Variants in TAF2 observed in about 807,000 individuals in gnomAD.
The protein encoded by TAF2 is transcription initiation factor TFIID subunit 2.
A neutral mutation model predicts 138.5 loss-of-function variants in TAF2; 61 were observed. That is an observed-to-expected ratio of 0.44 (90% CI 0.36 to 0.54). TAF2 has a LOEUF of 0.54. Among genes scored for constraint, TAF2 ranks in the 20% least tolerant of loss-of-function variants. The pLI is 0.00. For missense variants in TAF2, 1,090 were observed against 1,427.9 expected (o/e 0.76, Z 3.81); for synonymous variants, 475 against 469.9 (o/e 1.01, Z -0.14).
intron 2 of TAF2, among the ~76,000 whole-genome samples, chr8:119,824,102 A>G (rs1284001241): frequency 2.0e-5 from 3 of 152,140 alleles, no homozygotes; most frequent in Non-Finnish European, 4.4e-5. Context: ...GTAGAGCATA[A>G]AAGTGTGGAA....
intron 17 of TAF2, 64 bp downstream of exon 17, chr8:119,780,989 G>T: frequency 4.1e-4 from 452 of 1,104,782 alleles, no homozygotes; most frequent in Middle Eastern, 9.9e-4. Context: ...TCTATTATTT[G>T]AACAGTCTCC....
intron 19 of TAF2, among the ~76,000 whole-genome samples, chr8:119,762,047 A>C (rs191508151): frequency 9.8e-5 from 15 of 152,288 alleles, no homozygotes; most frequent in African/African-American, 3.6e-4. Flanking sequence ...AAAAGTGAAA[A>C]GTCATCTTAA....
chr8:119,825,644 T>C lies in TAF2; in HGVS notation c.138+6033A>G, dbSNP rs549292255. Among the ~76,000 whole-genome samples, 4 of 152,294 alleles carry C rather than the reference T, an allele frequency of 2.6e-5. No individual in the cohort carries two copies. In the South Asian group the frequency reaches 8.3e-4, roughly 32 times the overall value. ...TCATGGGGGCAAGTCTTTCCTGTGC[T>C]GTTGTCATGATAGTCTCACGAGACC... is the stretch of plus-strand genomic sequence containing the variant. On this transcript the variant is annotated intron_variant, in intron 2 of 25. Transcript: ENST00000378164.
intron 14 of TAF2, among the ~76,000 whole-genome samples, 163 bp downstream of exon 14, chr8:119,788,175 C>A (rs1823158089): frequency 6.6e-6 from 1 of 151,966 alleles, no homozygotes; most frequent in African/African-American, 2.4e-5. Context: ...CACCATGGCA[C>A]GTGTACACCT....
Position 119,732,026 on chromosome 8 carries a change from T to C in TAF2, c.3498A>G (p.Lys1166=). 6.2e-7 allele frequency: 1 copy of C among 1,614,206 alleles called. No individual in the cohort carries two copies. The highest frequency in any genetic ancestry group is 8.5e-7 in the Non-Finnish European group (1 of 1,180,036). ...KKKKKHKHKH[K]HKHKHDSKEK... is the part of the protein sequence containing the mutation. Reference sequence around the variant, plus strand: ...CTTTACTGTCATGCTTATGCTTGTGTTTGTGCTTATGTTTATGCTTCTTCT... The same window carrying C: ...CTTTACTGTCATGCTTATGCTTGTGCTTGTGCTTATGTTTATGCTTCTTCT... The change falls in exon 26 of 26, where the codon AAA becomes AAG. Residue 1166 remains lysine, a synonymous_variant. Coordinates refer to ENST00000378164, the MANE Select transcript of TAF2 (RefSeq NM_003184.4).
intron 10 of TAF2, among the ~76,000 whole-genome samples, chr8:119,792,293 A>G (rs1823491482): frequency 6.6e-6 from 1 of 151,864 alleles, no homozygotes; most frequent in African/African-American, 2.4e-5. Flanking sequence ...AGTTGGGACC[A>G]GGCACCCACC....
chr8:119,804,066 G>A (rs762812575), intron 4 of TAF2, 47 bp from the exon 5 acceptor site: 1 of 1,602,490 alleles, frequency 6.2e-7, no homozygotes, highest in Non-Finnish European at 8.5e-7. Flanking sequence ...AGTTACAGTG[G>A]TCTATATAAT....
chr8:119,810,292 T>C (rs867135265), intron 3 of TAF2, among the ~76,000 whole-genome samples: 12 of 152,314 alleles, frequency 7.9e-5, no homozygotes, highest in African/African-American at 2.6e-4. Flanking sequence ...CACTAGGTTT[T>C]TGAAATTCAT....
intron 22 of TAF2, 25 bp downstream of exon 22, chr8:119,755,981 A>T (rs1462535180): frequency 5.2e-6 from 8 of 1,524,078 alleles, no homozygotes; most frequent in Non-Finnish European, 7.3e-6. Flanking sequence ...AATAATAAAA[A>T]CAATTTAAAT....
In TAF2 at chr8:119,730,873, G is replaced by A. The variant is rs1818841853; in HGVS notation, c.*1051C>T. On this transcript the variant is annotated 3_prime_UTR_variant, in exon 26 of 26. Coordinates refer to ENST00000378164, the MANE Select transcript of TAF2 (RefSeq NM_003184.4). ...TTTTGTCAAACTTTCTAATGATAAGGGGAATGATAAAAATTGAACAGATAT... is the reference window on the plus strand; with the variant it reads ...TTTTGTCAAACTTTCTAATGATAAGAGGAATGATAAAAATTGAACAGATAT... 1 of 152,048 alleles carries A rather than the reference G, an allele frequency of 6.6e-6. No homozygotes were observed. The highest frequency in any genetic ancestry group is 2.1e-4 in the South Asian group (1 of 4,824). The allele number at this position is 152,048 out of a possible 1,614,324, so 9.4% of individuals were successfully genotyped here.
intron 18 of TAF2, among the ~76,000 whole-genome samples, chr8:119,770,750 G>T (rs893474115): frequency 2.0e-5 from 3 of 152,118 alleles, no homozygotes; most frequent in Non-Finnish European, 4.4e-5. Context: ...TATTAACCTT[G>T]AACAGAAATG....
intron 2 of TAF2, among the ~76,000 whole-genome samples, chr8:119,825,440 T>A (rs1016894474): frequency 6.6e-6 from 1 of 152,192 alleles, no homozygotes; most frequent in Non-Finnish European, 1.5e-5. Flanking sequence ...TTTGAGTTAA[T>A]GCTGAAATGA....
chr8:119,737,106 T>C (rs761976415), intron 25 of TAF2, among the ~76,000 whole-genome samples: 7 of 152,178 alleles, frequency 4.6e-5, no homozygotes, highest in Non-Finnish European at 8.8e-5. Context: ...ACAAAGGCTA[T>C]ATCAGCCAAC....
intron 18 of TAF2, among the ~76,000 whole-genome samples, chr8:119,771,418 T>C: frequency 6.6e-6 from 1 of 151,910 alleles, no homozygotes; most frequent in Non-Finnish European, 1.5e-5. Context: ...GTATTTTCAG[T>C]AGAGACGAGG....
intron 2 of TAF2, among the ~76,000 whole-genome samples, chr8:119,825,679 T>TTTTG (rs886534177): frequency 7.2e-5 from 11 of 151,972 alleles, no homozygotes; most frequent in East Asian, 1.9e-4. Context: ...CTGACGGTTT[T>TTTTG]TTTGTTTGTT....
intron 17 of TAF2, among the ~76,000 whole-genome samples, 190 bp from the exon 18 acceptor site, chr8:119,778,319 TGG>T (rs1822402124): frequency 6.6e-6 from 1 of 152,170 alleles, no homozygotes; most frequent in South Asian, 2.1e-4. Flanking sequence ...AGAGAAGAGC[TGG>T]GCAGGAAACT....
At chr8:119,762,365 T>C (rs1821122210) in intron 19 of TAF2, 50 bp downstream of exon 19, 4 of 1,545,542 alleles carry the variant, frequency 2.6e-6, no homozygotes, top group Non-Finnish European at 3.5e-6. Flanking sequence ...AATAAATTTC[T>C]TTTACAGTTA....
intron 2 of TAF2, among the ~76,000 whole-genome samples, chr8:119,829,113 C>T (rs573258712): frequency 9.9e-5 from 15 of 152,164 alleles, no homozygotes; most frequent in Admixed American, 3.9e-4. Context: ...AAAAGGTAGA[C>T]TGTTCTGATT....
chr8:119,750,676 G>C (rs1232324110), intron 22 of TAF2, among the ~76,000 whole-genome samples: 1 of 152,060 alleles, frequency 6.6e-6, no homozygotes, highest in Non-Finnish European at 1.5e-5. Context: ...GAAGGTATTA[G>C]GGAGAGAGAC....
Sources: allele counts gnomAD v4.1 joint callset (sites outside exome capture counted in the v4.1 genomes callset), GRCh38; gene constraint gnomAD v4.1.1; transcripts MANE v1.5; gene names NCBI Gene and HGNC (gene_info 2026-07-23, HGNC 2026-07-21).